Variants in AMZ1 observed in about 807,000 individuals in gnomAD.
The protein encoded by AMZ1 is archaemetzincin-1.
In AMZ1, 39 loss-of-function variants were observed where a neutral mutation model predicts 29.9. The ratio of observed to expected loss-of-function variants is 1.30; its 90% CI spans 1.01 to 1.70. The LOEUF (loss-of-function observed/expected upper bound fraction) is 1.70. AMZ1 is among the 40% of genes most tolerant of loss of function. The probability of loss-of-function intolerance (pLI) is 0.00; values close to 1 mark genes in which losing one functional copy is unlikely to be tolerated. For missense variants in AMZ1, 1,041 were observed against 680.6 expected (o/e 1.53, Z -5.89); for synonymous variants, 458 against 304.0 (o/e 1.51, Z -5.27).
intron 4 of AMZ1, among the ~76,000 whole-genome samples, chr7:2,738,004 C>T (rs1583213751): frequency 6.6e-6 from 1 of 152,168 alleles, no homozygotes; most frequent in Non-Finnish European, 1.5e-5. Context: ...AATGATACCA[C>T]AGCTGTGAAA....
chr7:2,744,207 C>A (rs193149254), intron 4 of AMZ1, among the ~76,000 whole-genome samples: 3 of 152,218 alleles, frequency 2.0e-5, no homozygotes, highest in East Asian at 1.9e-4. Flanking sequence ...GATCTGAGAA[C>A]GGGCAGACTG....
chr7:2,710,632 G>C (rs567308910), intron 6 of AMZ1, among the ~76,000 whole-genome samples: 4 of 152,192 alleles, frequency 2.6e-5, no homozygotes, highest in Non-Finnish European at 5.9e-5. Context: ...CACTGAACTA[G>C]AGGCCGTGGC....
At chr7:2,711,073 A>G (rs1788743682) in intron 6 of AMZ1, among the ~76,000 whole-genome samples, 1 of 151,986 alleles carries the variant, frequency 6.6e-6, no homozygotes, top group African/African-American at 2.4e-5. Context: ...CATAGCCTGG[A>G]TCCACCTGGA....
At chr7:2,721,862 A>C (rs1206999471), downstream of AMZ1, among the ~76,000 whole-genome samples, 2 of 152,242 alleles carry the variant, frequency 1.3e-5, no homozygotes, top group Non-Finnish European at 2.9e-5. Context: ...AAAATCATAT[A>C]TACAAAACAT....
At chr7:2,762,539 T>C (rs17132665), upstream of AMZ1, 158,429 of 1,263,668 alleles carry the variant, frequency 0.13, 10,820 homozygotes, top group Middle Eastern at 0.22. Context: ...CCACCACGCC[T>C]TCTATTCTGG....
Position 2,755,106 on chromosome 7 carries a change from G to A in AMZ1, n.551-9606G>A, listed in dbSNP as rs373982768. ...GGCGTGCTGGCGGGGAGCGATCCAC[G>A]GGTCTGTCCAGTGACCTCGTGTCTC... is the stretch of plus-strand genomic sequence containing the variant. On this transcript the variant is annotated intron_variant and non_coding_transcript_variant, in intron 4 of 4. Transcript: ENST00000489665. Among the ~76,000 whole-genome samples, 18 of 150,886 alleles carry A rather than the reference G, an allele frequency of 1.2e-4. No homozygotes were observed. In the East Asian group the frequency reaches 2.2e-3, roughly 19 times the overall value.
At chr7:2,748,380 G>C (rs1475173532) in intron 4 of AMZ1, among the ~76,000 whole-genome samples, 1 of 152,160 alleles carries the variant, frequency 6.6e-6, no homozygotes, top group African/African-American at 2.4e-5. Context: ...TCTGATCTTT[G>C]ACAAACCTGA....
downstream of AMZ1, among the ~76,000 whole-genome samples, chr7:2,723,294 G>T (rs1430409813): frequency 1.3e-5 from 2 of 152,204 alleles, no homozygotes; most frequent in Non-Finnish European, 2.9e-5. Context: ...GTTTGCAGGG[G>T]AATGTGGCAA....
intron 1 of AMZ1, among the ~76,000 whole-genome samples, chr7:2,691,062 A>G (rs1260049042): frequency 7.4e-6 from 1 of 136,008 alleles, no homozygotes; most frequent in African/African-American, 2.8e-5. Flanking sequence ...AATCGCTTGA[A>G]CCCTGGAGGA....
At chr7:2,705,934 T>C (rs555525308) in intron 3 of AMZ1, among the ~76,000 whole-genome samples, 10 of 152,354 alleles carry the variant, frequency 6.6e-5, no homozygotes, top group African/African-American at 2.4e-4. Flanking sequence ...TCACCTGTTA[T>C]GGCCTCTGAC....
At chr7:2,741,018 C>T (rs932391195) in intron 4 of AMZ1, among the ~76,000 whole-genome samples, 3 of 152,144 alleles carry the variant, frequency 2.0e-5, no homozygotes, top group African/African-American at 4.8e-5. Context: ...GCACTCCTGC[C>T]TGGGCGACAG....
intron 1 of AMZ1, among the ~76,000 whole-genome samples, chr7:2,681,432 A>T (rs956784349): frequency 6.6e-6 from 1 of 151,142 alleles, no homozygotes; most frequent in Admixed American, 6.6e-5. Context: ...ATTTTTTTTT[A>T]ATTTTTGTAG....
At chr7:2,742,107 C>T (rs979170149) in intron 4 of AMZ1, among the ~76,000 whole-genome samples, 1 of 151,888 alleles carries the variant, frequency 6.6e-6, no homozygotes, top group African/African-American at 2.4e-5. Flanking sequence ...CTGCAGCCTC[C>T]GCCTCCCAGG....
Position 2,699,158 on chromosome 7 carries a change from C to A in AMZ1, c.-218-1076C>A, listed in dbSNP as rs771893667. 2.2e-4 allele frequency among the ~76,000 whole-genome samples: 34 copies of A among 152,270 alleles called. No individual in the cohort carries two copies. The Middle Eastern group carries it at 0.01, about 46-fold the overall frequency. On this transcript the variant is annotated intron_variant, in intron 1 of 6. Transcript: ENST00000683327. The stretch of plus-strand genomic sequence containing the variant: ...TCTGTTCTGCGAGGCTTCCCCTGCC[C>A]AGCCCACTCTCCATCCGCCCTGGCA...
chr7:2,690,287 T>C (rs1787309873), intron 1 of AMZ1, among the ~76,000 whole-genome samples: 1 of 152,148 alleles, frequency 6.6e-6, no homozygotes, highest in African/African-American at 2.4e-5. Context: ...GATGCAATCA[T>C]AGCTCACCAC....
intron 4 of AMZ1, among the ~76,000 whole-genome samples, chr7:2,726,658 C>T (rs1013711652): frequency 9.9e-5 from 15 of 152,234 alleles, no homozygotes; most frequent in Admixed American, 8.5e-4. Context: ...GTTCAAGCCC[C>T]CACCAGCCAC....
In AMZ1 at chr7:2,714,471, G is replaced by C. The variant is rs1789002772; in HGVS notation, c.*1593G>C. The C allele has an allele frequency of 6.6e-6, 1 of 152,314 alleles. No individual in the cohort carries two copies. Among genetic ancestry groups the C allele is most frequent in the Non-Finnish European group, 1.5e-5 (1 of 68,040 alleles). The allele number at this position is 152,314 out of a possible 1,614,324, so 9.4% of individuals were successfully genotyped here. A position where few individuals can be genotyped will look rare whatever the true frequency, so the allele number is the denominator to read the frequency against. ...TCTTCGTCCCGTTCTCTTTTGCGTA[G>C]CTTCAAAAAGGCGTAACAGTGACCT... On this transcript the variant is annotated 3_prime_UTR_variant, in exon 7 of 7. Transcript: ENST00000683327.
chr7:2,712,281 A>G (rs755254042), intron 6 of AMZ1, 49 bp from the exon 7 acceptor site: 24 of 1,496,336 alleles, frequency 1.6e-5, no homozygotes, highest in Non-Finnish European at 2.1e-5. Context: ...TTCCCTGGCT[A>G]GACAAGGGCT....
intron 4 of AMZ1, among the ~76,000 whole-genome samples, chr7:2,727,926 G>T (rs1211370684): frequency 2.0e-5 from 3 of 151,094 alleles, no homozygotes; most frequent in Non-Finnish European, 4.4e-5. Flanking sequence ...GTGTGGTGGC[G>T]GGCGCCTGTA....
Sources: gnomAD v4.1 joint callset for allele counts (sites outside exome capture counted in the v4.1 genomes callset) on GRCh38, gnomAD v4.1.1 for gene constraint, MANE v1.5 for transcripts, NCBI Gene and HGNC (gene_info 2026-07-23, HGNC 2026-07-21) for gene names.